Variants in DDHD1 observed in about 807,000 individuals in gnomAD.
DDHD1 encodes the protein DDHD domain containing 1.
Under a neutral mutation model 96.4 loss-of-function variants are expected in DDHD1, and 49 were observed. The ratio of observed to expected loss-of-function variants is 0.51; its 90% CI spans 0.40 to 0.64. The LOEUF (loss-of-function observed/expected upper bound fraction) is 0.64. Among genes scored for constraint, DDHD1 ranks in the 30% least tolerant of loss-of-function variants. The probability of loss-of-function intolerance (pLI) is 0.00; values close to 1 mark genes in which losing one functional copy is unlikely to be tolerated. For missense variants in DDHD1, 1,106 were observed against 1,161.2 expected (o/e 0.95, Z 0.69); for synonymous variants, 442 against 446.5 (o/e 0.99, Z 0.13).
chr14:53,153,156 C>G lies in DDHD1; in HGVS notation c.-58G>C. On this transcript the variant is annotated 5_prime_UTR_variant, in exon 1 of 13. Transcript: ENST00000673822. ...CGCGGAGCCGTGACCCCCAGCGCTT[C>G]CGCCACACATTCAACGCCGCCGCCC... The G allele has an allele frequency of 7.8e-7, 1 of 1,274,982 alleles. No individual in the cohort carries two copies. 79.0% of individuals were successfully genotyped at this position (1,274,982 alleles called of 1,614,324 possible). A position where few individuals can be genotyped will look rare whatever the true frequency, so the allele number is the denominator to read the frequency against.
chr14:53,062,945 T>C lies in DDHD1; in HGVS notation c.1764A>G (p.Arg588=), dbSNP rs1323198720. 5.0e-6 allele frequency: 8 copies of C among 1,609,722 alleles called. No individual in the cohort carries two copies. In the South Asian group the frequency reaches 7.7e-5, roughly 16 times the overall value. ...HLLDELYITK[R]RLKEIEERLH... is the part of the protein sequence containing the mutation. ...TTCAAAAGATGAGGATATTTTACCG[T>C]CGTTTAGTTATATAGAGTTCATCAA... Residue 588 remains arginine (R), a splice_region_variant and synonymous_variant, in exon 7 of 13, where the codon CGA becomes CGG. Transcript: ENST00000673822.
chr14:53,120,155 A>G (rs1424001471), intron 1 of DDHD1, among the ~76,000 whole-genome samples: 1 of 152,222 alleles, frequency 6.6e-6, no homozygotes, highest in East Asian at 1.9e-4. Flanking sequence ...TACACCAATA[A>G]TAGACAAGCA....
chr14:53,068,958 G>A (rs1293594384), intron 6 of DDHD1, among the ~76,000 whole-genome samples: 2 of 152,096 alleles, frequency 1.3e-5, no homozygotes, highest in Non-Finnish European at 2.9e-5. Context: ...GTTGCCCTTT[G>A]GCATTCTACT....
intron 6 of DDHD1, among the ~76,000 whole-genome samples, chr14:53,068,646 A>C (rs1001310329): frequency 7.2e-5 from 11 of 152,160 alleles, no homozygotes; most frequent in Admixed American, 6.5e-4. Context: ...TTGTCAGAAT[A>C]CTGTAAAGTG....
intron 2 of DDHD1, among the ~76,000 whole-genome samples, chr14:53,099,856 A>G (rs1887168171): frequency 6.6e-6 from 1 of 152,236 alleles, no homozygotes; most frequent in Non-Finnish European, 1.5e-5. Flanking sequence ...TAAAGTATCT[A>G]AATCACAAAG....
intron 1 of DDHD1, among the ~76,000 whole-genome samples, chr14:53,126,623 C>T (rs1209179999): frequency 2.0e-5 from 3 of 152,212 alleles, no homozygotes; most frequent in African/African-American, 7.2e-5. Context: ...CCACCTTGGC[C>T]TCCCAAAGTG....
At chr14:53,082,337 A>G (rs1330936587) in intron 4 of DDHD1, among the ~76,000 whole-genome samples, 1 of 152,222 alleles carries the variant, frequency 6.6e-6, no homozygotes, top group Non-Finnish European at 1.5e-5. Context: ...TTAGAAAAAA[A>G]TTGGTAAACT....
At chr14:53,080,761 C>T (rs1280782049) in intron 4 of DDHD1, among the ~76,000 whole-genome samples, 1 of 117,644 alleles carries the variant, frequency 8.5e-6, no homozygotes, top group East Asian at 2.6e-4. Context: ...TGCTATGTTG[C>T]CCCAGCTGAA....
intron 4 of DDHD1, among the ~76,000 whole-genome samples, chr14:53,081,476 G>A (rs1691372583): frequency 6.6e-6 from 1 of 152,170 alleles, no homozygotes; most frequent in Non-Finnish European, 1.5e-5. Context: ...TTAGATTAGT[G>A]GTTCTCAACC....
chr14:53,055,650 G>A lies in DDHD1; in HGVS notation c.2245+10C>T, dbSNP rs1384785857. The stretch of plus-strand genomic sequence containing the variant: ...ATATGCATAGATAAGGAATACATAA[G>A]AGAAATTACCTAATATGCTTGCTTT... On this transcript the variant is annotated intron_variant, in intron 10 of 12. Coordinates refer to ENST00000673822, the MANE Select transcript of DDHD1 (RefSeq NM_001160148.2). 3.7e-6 allele frequency: 6 copies of A among 1,613,164 alleles called. No individual in the cohort carries two copies. Among genetic ancestry groups the A allele is most frequent in the Non-Finnish European group, 1.7e-6 (2 of 1,179,418 alleles).
chr14:53,060,011 T>A (rs1456361252), intron 8 of DDHD1, among the ~76,000 whole-genome samples: 1 of 152,152 alleles, frequency 6.6e-6, no homozygotes, highest in African/African-American at 2.4e-5. Context: ...GGTATATATT[T>A]TTTTTAAAAA....
chr14:53,079,798 T>G (rs1224433733), intron 4 of DDHD1, among the ~76,000 whole-genome samples: 1 of 152,218 alleles, frequency 6.6e-6, no homozygotes, highest in East Asian at 1.9e-4. Flanking sequence ...CTCTTACTGA[T>G]GAATATTTGA....
At chr14:53,104,425 C>T (rs1264225117) in intron 1 of DDHD1, among the ~76,000 whole-genome samples, 9 of 152,120 alleles carry the variant, frequency 5.9e-5, no homozygotes, top group South Asian at 2.1e-4. Flanking sequence ...TTTGTTAAAA[C>T]GAGTTTCATG....
intron 4 of DDHD1, among the ~76,000 whole-genome samples, chr14:53,087,548 C>T (rs9743707): frequency 0.033 from 5,089 of 152,220 alleles, 292 homozygotes; most frequent in African/African-American, 0.11. Flanking sequence ...GAACAACCTG[C>T]TCCTGAATGA....
At chr14:53,143,676 C>A (rs1890795041) in intron 1 of DDHD1, among the ~76,000 whole-genome samples, 1 of 152,144 alleles carries the variant, frequency 6.6e-6, no homozygotes, top group South Asian at 2.1e-4. Flanking sequence ...AGTAAAAACA[C>A]CTTCAAATAA....
chr14:53,053,197 C>G (rs1043807154), intron 11 of DDHD1: 1 of 151,994 alleles, frequency 6.6e-6, no homozygotes, highest in African/African-American at 2.4e-5. Flanking sequence ...TAATTTTCTT[C>G]AGCAGTTAGA....
intron 4 of DDHD1, among the ~76,000 whole-genome samples, chr14:53,091,316 T>C (rs1015166022): frequency 6.6e-6 from 1 of 152,200 alleles, no homozygotes; most frequent in Non-Finnish European, 1.5e-5. Context: ...GGTGTGTTGG[T>C]AAATAATCCA....
In DDHD1 at chr14:53,152,694, C is replaced by G; in HGVS notation, c.405G>C (p.Ala135=). ...LVPTNSGGGG[A]TGGSPGERKR... is the part of the protein sequence containing the mutation. ...TCCTTTCCCCGGGGGACCCTCCTGT[C>G]GCGCCGCCGCCCCCCGAGTTCGTCG... Residue 135 remains alanine, a synonymous_variant, in exon 1 of 13, where the codon GCG becomes GCC. Coordinates refer to ENST00000673822, the MANE Select transcript of DDHD1 (RefSeq NM_001160148.2). 6.2e-7 allele frequency: 1 copy of G among 1,611,222 alleles called. No individual in the cohort carries two copies.
intron 3 of DDHD1, 65 bp from the exon 4 acceptor site, chr14:53,091,997 T>C (rs1437471200): frequency 6.8e-7 from 1 of 1,474,978 alleles, no homozygotes; most frequent in Non-Finnish European, 9.2e-7. Flanking sequence ...CACAATATGT[T>C]AAAAGAAAAA....
Sources: gnomAD v4.1 joint callset for allele counts (sites outside exome capture counted in the v4.1 genomes callset) on GRCh38, gnomAD v4.1.1 for gene constraint, MANE v1.5 for transcripts, NCBI Gene and HGNC (gene_info 2026-07-23, HGNC 2026-07-21) for gene names.